Variants in KDM4C observed in about 807,000 individuals in gnomAD.
KDM4C encodes lysine-specific demethylase 4C.
In KDM4C, 81 loss-of-function variants were observed where a neutral mutation model predicts 129.3. The ratio of observed to expected loss-of-function variants is 0.63; its 90% confidence interval spans 0.52 to 0.75. KDM4C has a LOEUF of 0.75. Ranked by LOEUF, KDM4C falls within the 30% of genes least tolerant of loss-of-function variation. The pLI is 0.00. For missense variants in KDM4C, 1,457 were observed against 1,304.0 expected, an observed-to-expected ratio of 1.12 and a Z score of -1.81; for synonymous variants, 573 against 456.1, an observed-to-expected ratio of 1.26 and a Z score of -3.26.
chr9:6,773,877 G>C (rs1474733540), intron 1 of KDM4C, among the ~76,000 whole-genome samples: 1 of 151,790 alleles, frequency 6.6e-6, no homozygotes, highest in Admixed American at 6.6e-5. Flanking sequence ...TAAGGGCTTG[G>C]ATACAAATGC....
intron 19 of KDM4C, among the ~76,000 whole-genome samples, chr9:7,155,108 C>T (rs901477806): frequency 2.0e-5 from 3 of 152,140 alleles, no homozygotes; most frequent in African/African-American, 7.2e-5. Context: ...TAAAAGAAGT[C>T]GCCCAAGTCA....
intron 6 of KDM4C, among the ~76,000 whole-genome samples, chr9:6,881,223 A>C (rs551261367): frequency 3.1e-4 from 47 of 152,368 alleles, no homozygotes; most frequent in Admixed American, 1.7e-3. Flanking sequence ...CCTAAATTAC[A>C]GAAGAGTATT....
chr9:6,724,220 T>C (rs1817052645), intron 1 of KDM4C, among the ~76,000 whole-genome samples: 1 of 152,208 alleles, frequency 6.6e-6, no homozygotes, highest in Non-Finnish European at 1.5e-5. Flanking sequence ...GACTGACAGT[T>C]ACACTGATTG....
At chr9:6,782,600 G>A (rs1824604319) in intron 1 of KDM4C, among the ~76,000 whole-genome samples, 1 of 152,114 alleles carries the variant, frequency 6.6e-6, no homozygotes, top group South Asian at 2.1e-4. Flanking sequence ...AGCAAAGGAG[G>A]GAAATGGCTT....
intron 18 of KDM4C, among the ~76,000 whole-genome samples, chr9:7,108,903 G>GA (rs1460296105): frequency 6.6e-6 from 1 of 152,004 alleles, no homozygotes. Flanking sequence ...AATACTTAAT[G>GA]AAAAAAATAA....
rs576221788 is a variant in KDM4C at position 6,803,180 on chromosome 9, T to C, written c.145-2419T>C. Among the ~76,000 whole-genome samples, 8 of 152,258 alleles carry C rather than the reference T, an allele frequency of 5.3e-5. No individual in the cohort carries two copies. In the East Asian group the frequency reaches 1.5e-3, roughly 29 times the overall value. On this transcript the variant is annotated intron_variant, in intron 2 of 21. Coordinates refer to ENST00000381309, the MANE Select transcript of KDM4C (RefSeq NM_015061.6). ...TATCTTGCCTCTTACACCTGGGCAG[T>C]AGGTCATTTGGTGTTTGCTTTGTAA...
intron 3 of KDM4C, among the ~76,000 whole-genome samples, chr9:6,810,142 C>G (rs540090381): frequency 2.6e-5 from 4 of 152,212 alleles, no homozygotes; most frequent in Non-Finnish European, 4.4e-5. Flanking sequence ...TGATCATCCT[C>G]TCTAGCCCAT....
intron 19 of KDM4C, among the ~76,000 whole-genome samples, chr9:7,151,045 T>A (rs1439847404): frequency 5.3e-5 from 8 of 152,132 alleles, no homozygotes; most frequent in Non-Finnish European, 1.5e-5. Flanking sequence ...GCACTGTGGC[T>A]CACACCTGTA....
intron 15 of KDM4C, among the ~76,000 whole-genome samples, chr9:7,036,487 G>C (rs950905406): frequency 6.6e-6 from 1 of 152,000 alleles, no homozygotes. Context: ...CTACCAGAGC[G>C]GTGCTCTGAA....
rs12686118 is a variant in KDM4C at position 6,958,867 on chromosome 9, C to T, written c.922-22058C>T. Among the ~76,000 whole-genome samples, 409 of 152,046 alleles carry T rather than the reference C, an allele frequency of 2.7e-3. 8 individuals carry two copies. The East Asian group carries it at 0.035, about 13-fold the overall frequency. The stretch of plus-strand genomic sequence containing the variant: ...GTTTTTCATAGATGCAAGCTGGTCT[C>T]GAACTCCTGGGCTCAAGCGATCCAC... On this transcript the variant is annotated intron_variant, in intron 8 of 21. Coordinates refer to ENST00000381309, the MANE Select transcript of KDM4C (RefSeq NM_015061.6).
At chr9:7,027,592 C>T (rs1399862525) in intron 15 of KDM4C, among the ~76,000 whole-genome samples, 1 of 152,204 alleles carries the variant, frequency 6.6e-6, no homozygotes, top group East Asian at 1.9e-4. Context: ...CACTACTTGG[C>T]TACCAGATAC....
intron 12 of KDM4C, among the ~76,000 whole-genome samples, chr9:6,992,379 G>T (rs904999841): frequency 6.6e-6 from 1 of 152,172 alleles, no homozygotes; most frequent in Non-Finnish European, 1.5e-5. Flanking sequence ...CGTCTCAAGG[G>T]TTTGAGGTTA....
At chr9:6,803,075 C>T (rs947261802) in intron 2 of KDM4C, among the ~76,000 whole-genome samples, 5 of 152,046 alleles carry the variant, frequency 3.3e-5, no homozygotes, top group Non-Finnish European at 5.9e-5. Context: ...CCATAAACAC[C>T]GTAATTGTGG....
intron 4 of KDM4C, among the ~76,000 whole-genome samples, chr9:6,830,906 A>G (rs1232937152): frequency 6.6e-6 from 1 of 152,222 alleles, no homozygotes; most frequent in East Asian, 1.9e-4. Context: ...CAACTGGGAG[A>G]AACTGAAGGA....
At chr9:7,039,301 C>T (rs1387159188) in intron 15 of KDM4C, among the ~76,000 whole-genome samples, 1 of 151,898 alleles carries the variant, frequency 6.6e-6, no homozygotes, top group Non-Finnish European at 1.5e-5. Flanking sequence ...GTTATTTATT[C>T]AGCTCTGTCT....
At chr9:6,944,572 G>T (rs1826533111) in intron 8 of KDM4C, among the ~76,000 whole-genome samples, 1 of 149,500 alleles carries the variant, frequency 6.7e-6, no homozygotes, top group Admixed American at 6.7e-5. Context: ...GGTTACTTAG[G>T]GATAAAAATT....
intron 8 of KDM4C, among the ~76,000 whole-genome samples, chr9:6,928,018 G>A (rs1365445079): frequency 6.6e-6 from 1 of 152,088 alleles, no homozygotes; most frequent in Non-Finnish European, 1.5e-5. Context: ...TACACTGTTG[G>A]AAAGAGTTGC....
At chr9:6,878,237 T>C (rs1203457265) in intron 5 of KDM4C, among the ~76,000 whole-genome samples, 1 of 152,220 alleles carries the variant, frequency 6.6e-6, no homozygotes, top group Non-Finnish European at 1.5e-5. Flanking sequence ...TTTCATCCTT[T>C]GATTATTTCT....
intron 4 of KDM4C, among the ~76,000 whole-genome samples, chr9:6,839,244 C>T (rs1335884254): frequency 1.3e-5 from 2 of 152,018 alleles, no homozygotes; most frequent in Non-Finnish European, 1.5e-5. Flanking sequence ...GTTGTTTTCC[C>T]TTTGACACAG....
Sources: allele counts gnomAD v4.1 joint callset (sites outside exome capture counted in the v4.1 genomes callset), GRCh38; gene constraint gnomAD v4.1.1; transcripts MANE v1.5; gene names NCBI Gene and HGNC (gene_info 2026-07-23, HGNC 2026-07-21).